Variants in CD34 observed in about 807,000 individuals in gnomAD.
CD34 encodes the protein hematopoietic progenitor cell antigen CD34.
A neutral mutation model predicts 40.1 loss-of-function variants in CD34; 34 were observed. The observed-to-expected ratio is 0.85, with a 90% CI of 0.65 to 1.13. CD34 has a LOEUF of 1.13. Ranked by LOEUF, CD34 falls within the 50% of genes most tolerant of loss-of-function variation. The pLI, the probability that CD34 is intolerant of heterozygous loss-of-function variation, is 0.00. For missense variants in CD34, 426 were observed against 466.9 expected, an observed-to-expected ratio of 0.91 and a Z score of 0.81; for synonymous variants, 209 against 190.0, an observed-to-expected ratio of 1.10 and a Z score of -0.82.
chr1:207,898,654 A>T, intron 3 of CD34, among the ~76,000 whole-genome samples: 1 of 152,200 alleles, frequency 6.6e-6, no homozygotes, highest in East Asian at 1.9e-4. Context: ...CCCAAAGGGA[A>T]ATGGTGTCCT....
At chr1:207,889,721 C>T (rs779992143) in intron 4 of CD34, 100 bp from the exon 5 acceptor site, 14 of 1,599,580 alleles carry the variant, frequency 8.8e-6, no homozygotes, top group East Asian at 2.2e-5. Flanking sequence ...TTACCCCGTC[C>T]GCAAGAAGGA....
chr1:207,887,869 G>A lies in CD34; in HGVS notation c.1027C>T (p.Pro343Ser). The change falls in exon 8 of 8, where the codon CCT becomes TCT. Residue 343 changes from proline to serine, a missense_variant. Coordinates refer to ENST00000310833, the MANE Select transcript of CD34 (RefSeq NM_001025109.2). ...NGGGQGYSSGPGTSPEAQGKA... is the reference protein window; with the variant it reads ...NGGGQGYSSGSGTSPEAQGKA... ...CCCTGAGCCTCAGGGGAGGTCCCAG[G>A]TCCTGAGCTATAGCCCTGGCCTCCA... is the stretch of plus-strand genomic sequence containing the variant. 3.1e-6 allele frequency: 5 copies of A among 1,614,170 alleles called. No individual in the cohort carries two copies. The highest frequency in any genetic ancestry group is 4.2e-6 in the Non-Finnish European group (5 of 1,180,034).
At chr1:207,902,962 C>A (rs1269268217) in intron 1 of CD34, among the ~76,000 whole-genome samples, 1 of 152,196 alleles carries the variant, frequency 6.6e-6, no homozygotes, top group Non-Finnish European at 1.5e-5. Context: ...GGGACCCCAA[C>A]TTCAGAGTCA....
intron 7 of CD34, among the ~76,000 whole-genome samples, chr1:207,888,432 G>C (rs1032426245): frequency 6.6e-6 from 1 of 152,224 alleles, no homozygotes; most frequent in East Asian, 1.9e-4. Context: ...AAAACATAAT[G>C]AATAGATGAC....
chr1:207,890,223 T>C, intron 4 of CD34: 1 of 999,104 alleles, frequency 1.0e-6, no homozygotes, highest in Non-Finnish European at 1.2e-6. Context: ...CATAGATTTT[T>C]CTTCAGGTTG....
chr1:207,899,784 G>A (rs746269732), intron 2 of CD34, 37 bp downstream of exon 2: 1 of 1,566,848 alleles, frequency 6.4e-7, no homozygotes, highest in African/African-American at 1.4e-5. Flanking sequence ...AGCATCACCA[G>A]CATCTCTCCG....
intron 1 of CD34, among the ~76,000 whole-genome samples, chr1:207,902,289 T>C (rs778998937): frequency 1.3e-5 from 2 of 152,226 alleles, no homozygotes; most frequent in Non-Finnish European, 2.9e-5. Context: ...TTTAGCTGAC[T>C]CTTGAGTAGA....
chr1:207,895,362 G>C (rs1008116634), intron 4 of CD34, among the ~76,000 whole-genome samples: 1 of 152,170 alleles, frequency 6.6e-6, no homozygotes, highest in African/African-American at 2.4e-5. Context: ...AGGAAGAAAG[G>C]GGATCAACAC....
At chr1:207,892,591 A>G (rs533515103) in intron 4 of CD34, among the ~76,000 whole-genome samples, 5 of 152,234 alleles carry the variant, frequency 3.3e-5, no homozygotes, top group Admixed American at 2.6e-4. Context: ...GTCTCAAAAA[A>G]AAAAAAGTGT....
chr1:207,897,509 T>C lies in CD34; in HGVS notation c.581A>G (p.Asn194Ser). 6.4e-7 allele frequency: 1 copy of C among 1,559,648 alleles called. No homozygotes were observed. The highest frequency in any genetic ancestry group is 8.7e-7 in the Non-Finnish European group (1 of 1,150,016). The part of the protein sequence containing the change: ...KLTQGICLEQ[N>S]KTSSCAEFKK... Reference sequence around the variant, plus strand: ...TTGACTTACACAGCTGGAGGTCTTATTTTGCTCCAGGCAGATGCCCTGAGT... The same window carrying C: ...TTGACTTACACAGCTGGAGGTCTTACTTTGCTCCAGGCAGATGCCCTGAGT... The change falls in exon 4 of 8, where the codon AAT (asparagine) becomes AGT (serine). Residue 194 changes from asparagine to serine, a missense_variant. Physicochemically the swap from Asn to Ser is conservative, Grantham distance 46. Coordinates refer to ENST00000310833, the MANE Select transcript of CD34 (RefSeq NM_001025109.2).
chr1:207,892,771 G>A (rs1172560244), intron 4 of CD34, among the ~76,000 whole-genome samples: 1 of 152,140 alleles, frequency 6.6e-6, no homozygotes, highest in Non-Finnish European at 1.5e-5. Flanking sequence ...ACTCCTAAGT[G>A]TGTGTTGGGG....
At chr1:207,901,176 C>T (rs1056295435) in intron 1 of CD34, among the ~76,000 whole-genome samples, 6 of 152,024 alleles carry the variant, frequency 3.9e-5, no homozygotes, top group Non-Finnish European at 8.8e-5. Context: ...AGTCAGTATC[C>T]TCATTAGACA....
chr1:207,896,138 C>T (rs139367655), intron 4 of CD34, among the ~76,000 whole-genome samples: 51 of 152,338 alleles, frequency 3.3e-4, no homozygotes, highest in East Asian at 2.3e-3. Context: ...CTACAGGCTG[C>T]GATCTTTCCA....
At chr1:207,897,619 G>T in intron 3 of CD34, 46 bp from the exon 4 acceptor site, 1 of 1,402,474 alleles carries the variant, frequency 7.1e-7, no homozygotes, top group Non-Finnish European at 9.8e-7. Flanking sequence ...AAATAAGCCA[G>T]TATCTTTGCT....
chr1:207,889,764 A>AC (rs757795048), intron 4 of CD34, 143 bp from the exon 5 acceptor site: 2 of 1,586,894 alleles, frequency 1.3e-6, no homozygotes, highest in Admixed American at 1.9e-5. Context: ...AGAAAAAAAA[A>AC]AAACTGCTAA....
At chr1:207,905,501 T>C (rs534484356) in intron 1 of CD34, among the ~76,000 whole-genome samples, 1 of 152,196 alleles carries the variant, frequency 6.6e-6, no homozygotes, top group Admixed American at 6.5e-5. Context: ...AAACCATATA[T>C]GGCCCCTAAA....
intron 4 of CD34, among the ~76,000 whole-genome samples, chr1:207,895,979 C>CT: frequency 6.6e-6 from 1 of 152,348 alleles, no homozygotes; most frequent in Admixed American, 6.5e-5. Context: ...TATGCAAACT[C>CT]ATGTCTTCAC....
chr1:207,889,648 C>A (rs773454669), intron 4 of CD34, 27 bp from the exon 5 acceptor site: 34 of 1,612,118 alleles, frequency 2.1e-5, no homozygotes, highest in Non-Finnish European at 2.7e-5. Flanking sequence ...ACATGGAGAG[C>A]AAGAGATGAA....
At chr1:207,893,414 G>T (rs1662076281) in intron 4 of CD34, among the ~76,000 whole-genome samples, 1 of 151,960 alleles carries the variant, frequency 6.6e-6, no homozygotes, top group Admixed American at 6.6e-5. Context: ...TATCTATTTT[G>T]GTGTGAGTTT....
Sources: gnomAD v4.1 joint callset for allele counts (sites outside exome capture counted in the v4.1 genomes callset) on GRCh38, gnomAD v4.1.1 for gene constraint, MANE v1.5 for transcripts, NCBI Gene and HGNC (gene_info 2026-07-23, HGNC 2026-07-21) for gene names.